CAMTA1: variants seen among roughly 807,000 people sequenced by gnomAD.
The protein encoded by CAMTA1 is calmodulin binding transcription activator 1, also known as calmodulin-binding transcription activator 1.
A neutral mutation model predicts 170.9 loss-of-function variants in CAMTA1; 27 were observed. The ratio of observed to expected loss-of-function variants is 0.16; its 90% CI spans 0.12 to 0.22. The LOEUF (loss-of-function observed/expected upper bound fraction) is 0.22, where lower values mean the gene tolerates loss of function less well. Ranked by LOEUF, CAMTA1 falls within the 10% of genes least tolerant of loss-of-function variation. The pLI, the probability that CAMTA1 is intolerant of heterozygous loss-of-function variation, is 1.00. For missense variants in CAMTA1, 1,619 were observed against 2,217.2 expected (o/e 0.73, Z 5.42); for synonymous variants, 833 against 891.5 (o/e 0.93, Z 1.17).
At position 6,918,990 on chromosome 1, in the gene CAMTA1, G is replaced by C. The variant is rs549991642; in HGVS notation, c.234+93780G>C. On this transcript the variant is annotated intron_variant, in intron 3 of 22. Transcript: ENST00000303635. This position sits in a 1 kb window ranked among gnomAD's most constrained non-coding sequence, Gnocchi z 4.0. The stretch of plus-strand genomic sequence containing the variant: ...AAGCCAAAGAGCTGAACATTGGAAG[G>C]CCTCCTTACCATTTTTGAAATGAAG... 1.3e-5 allele frequency among the ~76,000 whole-genome samples: 2 copies of C among 152,316 alleles called. No homozygotes were observed. The highest frequency in any genetic ancestry group is 2.4e-5 in the African/African-American group (1 of 41,586).
intron 6 of CAMTA1, among the ~76,000 whole-genome samples, chr1:7,557,933 TG>T (rs2094901831): frequency 6.6e-6 from 1 of 152,208 alleles, no homozygotes; most frequent in African/African-American, 2.4e-5. Context: ...GGGGCAAGTC[TG>T]GTCTGTGCCA....
chr1:7,422,326 G>A (rs1401505212), intron 5 of CAMTA1, among the ~76,000 whole-genome samples: 1 of 152,152 alleles, frequency 6.6e-6, no homozygotes, highest in African/African-American at 2.4e-5. Flanking sequence ...CCAGGGCCTG[G>A]TGGATCCTCC....
intron 6 of CAMTA1, among the ~76,000 whole-genome samples, chr1:7,483,419 G>T (rs1392769911): frequency 6.6e-6 from 1 of 152,216 alleles, no homozygotes; most frequent in Non-Finnish European, 1.5e-5. Context: ...GCCGGAGGGA[G>T]ACCCTCAGCT....
intron 4 of CAMTA1, among the ~76,000 whole-genome samples, chr1:7,185,275 AT>A (rs994942299): frequency 5.9e-5 from 9 of 152,076 alleles, no homozygotes; most frequent in African/African-American, 1.7e-4. Flanking sequence ...TACCACCCTG[AT>A]TTTTTTCTTA....
chr1:7,403,612 C>G (rs1396868230), intron 5 of CAMTA1, among the ~76,000 whole-genome samples: 4 of 152,134 alleles, frequency 2.6e-5, no homozygotes, highest in African/African-American at 9.7e-5. Flanking sequence ...GGATGGGGAG[C>G]AGCATGGTGC....
In CAMTA1 at chr1:7,050,231, G is replaced by A. The variant is rs1177633218; in HGVS notation, c.235-41073G>A. Among the ~76,000 whole-genome samples, 4 of 152,180 alleles carry A rather than the reference G, an allele frequency of 2.6e-5. No homozygotes were observed. The highest frequency in any genetic ancestry group is 4.8e-5 in the African/African-American group (2 of 41,436). On this transcript the variant is annotated intron_variant, in intron 3 of 22. Transcript: ENST00000303635. The surrounding 1 kb of genome is among the most constrained non-coding windows in gnomAD (Gnocchi z 4.8). Reference sequence around the variant, plus strand: ...CCCGGCCTGCACCCTGGTCCTCCATGGTGGTGAAGGGCTGGGGGTAGGACC... The same window carrying A: ...CCCGGCCTGCACCCTGGTCCTCCATAGTGGTGAAGGGCTGGGGGTAGGACC...
At chr1:7,036,955 A>G (rs1703686025) in intron 3 of CAMTA1, among the ~76,000 whole-genome samples, 1 of 152,106 alleles carries the variant, frequency 6.6e-6, no homozygotes, top group Non-Finnish European at 1.5e-5. Flanking sequence ...GAGGCCTTGG[A>G]AGTTCGGGGC....
rs142525337 is a variant in CAMTA1 at position 7,459,319 on chromosome 1, C to T, written c.439-8511C>T. ...CTAGAGAACTAGGGTAAGAGGAATC[C>T]ATGTCATCCTCTCCTTGCCCCACAC... On this transcript the variant is annotated intron_variant, in intron 5 of 22. Transcript: ENST00000303635. Among the ~76,000 whole-genome samples, 962 of 152,282 alleles carry T rather than the reference C, an allele frequency of 6.3e-3. 8 individuals are homozygous for T. Among genetic ancestry groups the T allele is most frequent in the Non-Finnish European group, 9.7e-3 (661 of 68,020 alleles).
At chr1:6,818,512 T>C (rs1368154409) in intron 1 of CAMTA1, among the ~76,000 whole-genome samples, 1 of 152,194 alleles carries the variant, frequency 6.6e-6, no homozygotes, top group Non-Finnish European at 1.5e-5. Context: ...CTAATCCTCC[T>C]CCTGCCTCAG....
At chr1:6,982,286 T>C (rs1694568010) in intron 3 of CAMTA1, among the ~76,000 whole-genome samples, 1 of 152,172 alleles carries the variant, frequency 6.6e-6, no homozygotes, top group Non-Finnish European at 1.5e-5. Flanking sequence ...AGAAGCCTCC[T>C]AGAGCAGCAA....
chr1:7,076,431 G>A (rs1480379235), intron 3 of CAMTA1, among the ~76,000 whole-genome samples: 1 of 152,158 alleles, frequency 6.6e-6, no homozygotes, highest in Non-Finnish European at 1.5e-5. Flanking sequence ...CACAATATGA[G>A]CTTTTGCGCT....
chr1:6,890,845 A>G (rs1485924998), intron 3 of CAMTA1, among the ~76,000 whole-genome samples: 1 of 152,162 alleles, frequency 6.6e-6, no homozygotes, highest in Non-Finnish European at 1.5e-5. Context: ...TGCTAGGATT[A>G]TAGGTGATGA....
At chr1:6,897,332 C>T (rs1338122569) in intron 3 of CAMTA1, among the ~76,000 whole-genome samples, 1 of 152,096 alleles carries the variant, frequency 6.6e-6, no homozygotes, top group Non-Finnish European at 1.5e-5. Context: ...AGATTGTGTT[C>T]CCATGGTGAC....
intron 3 of CAMTA1, among the ~76,000 whole-genome samples, chr1:6,870,076 C>T (rs1429258600): frequency 6.6e-6 from 1 of 152,058 alleles, no homozygotes; most frequent in East Asian, 1.9e-4. Flanking sequence ...TTACTTTTTC[C>T]CCTTTTTAAT....
intron 5 of CAMTA1, among the ~76,000 whole-genome samples, chr1:7,284,177 C>CTTCCTA (rs1333698169): frequency 4.0e-5 from 4 of 99,314 alleles, no homozygotes; most frequent in Non-Finnish European, 7.9e-5. Flanking sequence ...TCTTCTTCTT[C>CTTCCTA]TTATTATTAT....
intron 6 of CAMTA1, among the ~76,000 whole-genome samples, chr1:7,590,026 C>T (rs1419649150): frequency 6.6e-6 from 1 of 152,174 alleles, no homozygotes. Context: ...TCGCATGGAG[C>T]TTGCCCCTGA....
At chr1:7,220,847 G>T (rs1425391936) in intron 4 of CAMTA1, among the ~76,000 whole-genome samples, 1 of 152,234 alleles carries the variant, frequency 6.6e-6, no homozygotes, top group Admixed American at 6.5e-5. Flanking sequence ...GCCTGGACAT[G>T]GAGAAGAAGT....
chr1:6,805,289 A>G (rs1410178912), intron 1 of CAMTA1, among the ~76,000 whole-genome samples: 1 of 152,208 alleles, frequency 6.6e-6, no homozygotes, highest in Non-Finnish European at 1.5e-5. Flanking sequence ...GATGTTGAGC[A>G]TCTGTTCATG....
At chr1:7,647,280 G>T (rs192538693) in intron 7 of CAMTA1, among the ~76,000 whole-genome samples, 2 of 141,362 alleles carry the variant, frequency 1.4e-5, no homozygotes, top group East Asian at 2.0e-4. Context: ...GATCCAGAAG[G>T]GGGGGGGGCT....
Sources: allele counts gnomAD v4.1 joint callset (sites outside exome capture counted in the v4.1 genomes callset), GRCh38; gene constraint gnomAD v4.1.1; non-coding constraint Gnocchi (gnomAD v3.1); transcripts MANE v1.5; gene names NCBI Gene and HGNC (gene_info 2026-07-23, HGNC 2026-07-21).